SMARCC1: variants seen among roughly 807,000 people sequenced by gnomAD.
SMARCC1 encodes SWI/SNF complex subunit SMARCC1.
SMARCC1 carries 43 observed loss-of-function variants against 147.4 expected under a neutral mutation model. The observed-to-expected ratio is 0.29, with a 90% CI of 0.23 to 0.38. The LOEUF (loss-of-function observed/expected upper bound fraction) is 0.38. SMARCC1 is among the 10% of genes least tolerant of loss of function. The pLI, the probability that SMARCC1 is intolerant of heterozygous loss-of-function variation, is 1.00. For missense variants in SMARCC1, 1,119 were observed against 1,381.1 expected, an observed-to-expected ratio of 0.81 and a Z score of 3.01; for synonymous variants, 495 against 484.4, an observed-to-expected ratio of 1.02 and a Z score of -0.29.
At chr3:47,701,094 AT>A (rs2106787180) in intron 11 of SMARCC1, among the ~76,000 whole-genome samples, 183 bp downstream of exon 11, 1 of 152,342 alleles carries the variant, frequency 6.6e-6, no homozygotes, top group Non-Finnish European at 1.5e-5. Flanking sequence ...AGTTTTCTCT[AT>A]AAACAAAGAG....
At chr3:47,638,193 C>T (rs908330022) in intron 22 of SMARCC1, among the ~76,000 whole-genome samples, 3 of 152,104 alleles carry the variant, frequency 2.0e-5, no homozygotes, top group East Asian at 1.9e-4. Context: ...CCCGGGTTCA[C>T]GCCATTCTCC....
intron 8 of SMARCC1, among the ~76,000 whole-genome samples, chr3:47,712,334 GT>G (rs2034095165): frequency 6.6e-6 from 1 of 151,948 alleles, no homozygotes; most frequent in African/African-American, 2.4e-5. Flanking sequence ...AAATAAAAGG[GT>G]TAATTAACTG....
chr3:47,744,444 T>G (rs2034544359), intron 3 of SMARCC1, among the ~76,000 whole-genome samples: 1 of 152,186 alleles, frequency 6.6e-6, no homozygotes, highest in South Asian at 2.1e-4. Flanking sequence ...AATACACATG[T>G]AAGTTTGTAT....
At chr3:47,728,078 CTTTTTTTTTTT>C (rs1166964500) in intron 6 of SMARCC1, among the ~76,000 whole-genome samples, 8 of 56,876 alleles carry the variant, frequency 1.4e-4, no homozygotes, top group East Asian at 7.0e-4. Context: ...TTATTAGTCC[CTTTTTTTTTTT>C]TTTTTTTTTT....
At chr3:47,696,361 G>A (rs1335273304) in intron 11 of SMARCC1, among the ~76,000 whole-genome samples, 3 of 151,866 alleles carry the variant, frequency 2.0e-5, no homozygotes, top group Non-Finnish European at 4.4e-5. Flanking sequence ...GCAACAGAGC[G>A]AGACTCTGTC....
intron 26 of SMARCC1, chr3:47,603,682 G>C (rs2032424301): frequency 4.3e-6 from 1 of 235,240 alleles, no homozygotes; most frequent in African/African-American, 2.3e-5. Flanking sequence ...TCTTAATGTA[G>C]GCATCATTTG....
In SMARCC1 at chr3:47,585,934, AT is replaced by A. The variant is rs2032064442; in HGVS notation, c.*2274del. On this transcript the variant is annotated 3_prime_UTR_variant, in exon 28 of 28. Coordinates refer to ENST00000254480, the MANE Select transcript of SMARCC1 (RefSeq NM_003074.4). ...CATTTATTCACTGAAAAAGAGAGAG[AT>A]TAGGCCTTCTTCATTCATTTTCTCC... is the stretch of plus-strand genomic sequence containing the variant. 6.6e-6 allele frequency: 1 copy of A among 152,550 alleles called. No individual in the cohort carries two copies. Among genetic ancestry groups the A allele is most frequent in the Non-Finnish European group, 1.5e-5 (1 of 68,022 alleles). The allele number at this position is 152,550 out of a possible 1,614,324, so 9.4% of individuals were successfully genotyped here. A position where few individuals can be genotyped will look rare whatever the true frequency, so the allele number is the denominator to read the frequency against.
At chr3:47,772,169 C>G (rs1576438018) in intron 2 of SMARCC1, among the ~76,000 whole-genome samples, 1 of 152,148 alleles carries the variant, frequency 6.6e-6, no homozygotes, top group African/African-American at 2.4e-5. Flanking sequence ...GCAGAAGGAT[C>G]GCCTTCCCGC....
intron 4 of SMARCC1, 145 bp downstream of exon 4, chr3:47,737,884 G>C (rs905548723): frequency 1.1e-5 from 4 of 351,272 alleles, no homozygotes; most frequent in Non-Finnish European, 2.2e-5. Flanking sequence ...GGATGGTCTC[G>C]ATCTCCTGAC....
chr3:47,775,438 G>C (rs1238909896), intron 1 of SMARCC1, among the ~76,000 whole-genome samples: 2 of 148,946 alleles, frequency 1.3e-5, no homozygotes, highest in Middle Eastern at 7.0e-3. Flanking sequence ...GGGATTACAG[G>C]TGTGAGCCAC....
chr3:47,733,567 C>A (rs1423946093), intron 5 of SMARCC1, among the ~76,000 whole-genome samples: 1 of 151,492 alleles, frequency 6.6e-6, no homozygotes, highest in African/African-American at 2.4e-5. Flanking sequence ...ATGGTGAAAC[C>A]CCGTCTCTAC....
In SMARCC1 at chr3:47,738,045, T is replaced by C; in HGVS notation, c.467A>G (p.Glu156Gly). ...DRNVEMFMNI[E>G]KTLVQNNCLT... ...CCAAGTTACCTGCACCAATGTTTTT[T>C]CAATGTTCATAAACATTTCCACATT... Residue 156 changes from glutamate to glycine, a missense_variant, in exon 4 of 28, where the codon GAA (glutamate) becomes GGA (glycine). Around this residue, in one of 6 missense-constraint regions of SMARCC1, gnomAD observed 542 missense variants for 611.8 expected, o/e 0.89. Transcript: ENST00000254480. 1 of 1,597,418 alleles carries C rather than the reference T, an allele frequency of 6.3e-7. No individual in the cohort carries two copies. Among genetic ancestry groups the C allele is most frequent in the Non-Finnish European group, 8.5e-7 (1 of 1,171,600 alleles).
chr3:47,651,446 G>C (rs574136375), intron 21 of SMARCC1, among the ~76,000 whole-genome samples: 6 of 151,756 alleles, frequency 4.0e-5, no homozygotes, highest in African/African-American at 9.7e-5. Context: ...CCCACCAATC[G>C]AGCTATTATA....
At chr3:47,729,211 TAA>T in intron 5 of SMARCC1, 117 bp from the exon 6 acceptor site, 1 of 628,150 alleles carries the variant, frequency 1.6e-6, no homozygotes, top group Non-Finnish European at 2.7e-6. Context: ...AGACTTTATA[TAA>T]AAAAGACTTG....
At chr3:47,637,048 G>A (rs1008769776) in intron 22 of SMARCC1, among the ~76,000 whole-genome samples, 1 of 152,040 alleles carries the variant, frequency 6.6e-6, no homozygotes. Context: ...ACTTCATGAG[G>A]CTATATTGTT....
intron 3 of SMARCC1, among the ~76,000 whole-genome samples, chr3:47,742,574 T>C (rs2034520561): frequency 6.6e-6 from 1 of 152,196 alleles, no homozygotes; most frequent in East Asian, 1.9e-4. Context: ...AAACTTAACA[T>C]TTCAATTCTG....
intron 2 of SMARCC1, among the ~76,000 whole-genome samples, chr3:47,759,019 A>T (rs1314018950): frequency 2.0e-5 from 3 of 150,164 alleles, no homozygotes; most frequent in Admixed American, 6.6e-5. Context: ...CTCTGACCCA[A>T]AAAAAAAAGA....
intron 21 of SMARCC1, among the ~76,000 whole-genome samples, chr3:47,653,539 T>C (rs1459900305): frequency 1.3e-5 from 2 of 152,228 alleles, no homozygotes; most frequent in African/African-American, 4.8e-5. Context: ...CAGTGTGCTA[T>C]GCAATAAGGC....
Position 47,675,485 on chromosome 3 carries a change from G to C in SMARCC1, c.1829C>G (p.Thr610Arg). Residue 610 changes from threonine to arginine, a missense_variant, in exon 18 of 28, where the codon ACA becomes AGA. Around this residue, in one of 6 missense-constraint regions of SMARCC1, gnomAD observed 178 missense variants for 264.6 expected, o/e 0.67. Transcript: ENST00000254480. ...GLRTDIYSKKTLAKSKGASAG... is the reference protein window; with the variant it reads ...GLRTDIYSKKRLAKSKGASAG... ...GATTAGAAAAATTACCTTTGCTAAT[G>C]TTTTCTTGGAGTAAATGTCAGTACG... 1 of 1,576,294 alleles carries C rather than the reference G, an allele frequency of 6.3e-7. No individual in the cohort carries two copies. The highest frequency in any genetic ancestry group is 8.7e-7 in the Non-Finnish European group (1 of 1,145,682).
Sources: gnomAD v4.1 joint callset for allele counts (sites outside exome capture counted in the v4.1 genomes callset) on GRCh38, gnomAD v4.1.1 for gene constraint, gnomAD v4.1.1 regional missense constraint, MANE v1.5 for transcripts, NCBI Gene and HGNC (gene_info 2026-07-23, HGNC 2026-07-21) for gene names.